Variants in USH2A observed in about 807,000 individuals in gnomAD.
USH2A encodes Usher syndrome 2A (autosomal recessive, mild).
In USH2A, 443 loss-of-function variants were observed where a neutral mutation model predicts 538.9. The observed-to-expected ratio is 0.82, with a 90% CI of 0.76 to 0.89. USH2A has a LOEUF of 0.89. Ranked by LOEUF, USH2A falls within the 40% of genes least tolerant of loss-of-function variation. The pLI is 0.00. For missense variants in USH2A, 6,633 were observed against 6,324.8 expected (o/e 1.05, Z -1.65); for synonymous variants, 2,413 against 2,273.5 (o/e 1.06, Z -1.75).
intron 11 of USH2A, among the ~76,000 whole-genome samples, chr1:216,284,288 G>A (rs1445719404): frequency 6.6e-6 from 1 of 152,118 alleles, no homozygotes; most frequent in Non-Finnish European, 1.5e-5. Context: ...GAACCAGGTG[G>A]AGATAATTGA....
intron 38 of USH2A, among the ~76,000 whole-genome samples, chr1:215,929,161 A>AT (rs904252644): frequency 1.3e-5 from 2 of 151,708 alleles, no homozygotes; most frequent in African/African-American, 4.8e-5. Context: ...ATGTAAAAAA[A>AT]AGCATTTGTG....
chr1:216,300,420 C>A (rs1390457145), intron 9 of USH2A, among the ~76,000 whole-genome samples: 2 of 152,142 alleles, frequency 1.3e-5, no homozygotes, highest in Admixed American at 6.5e-5. Flanking sequence ...GGTCAAGGAC[C>A]TTTACCACTG....
chr1:215,680,195 A>G lies in USH2A; in HGVS notation c.12248T>C (p.Leu4083Ser). Residue 4083 changes from leucine (L) to serine (S), a missense_variant, in exon 62 of 72, where the codon TTG becomes TCG. Physicochemically the swap from Leu to Ser is moderately radical, Grantham distance 145. Transcript: ENST00000307340. ...IVEQKENGRA[L>S]LLQWSEPMRT... ...CATAGGTTCTGACCACTGTAGTAGCAATGCCCGGCCATTCTCTTTCTGTTC... is the reference window on the plus strand; with the variant it reads ...CATAGGTTCTGACCACTGTAGTAGCGATGCCCGGCCATTCTCTTTCTGTTC... 1 of 1,614,172 alleles carries G rather than the reference A, an allele frequency of 6.2e-7. No individual in the cohort carries two copies.
chr1:215,685,345 G>T (rs1373172924), intron 61 of USH2A, among the ~76,000 whole-genome samples: 587 of 56,278 alleles, frequency 0.01, 7 homozygotes, highest in Admixed American at 0.062. Context: ...TTTTTTTTTT[G>T]TTGTTGTTGT....
chr1:215,672,806 T>C (rs892152067), intron 63 of USH2A, among the ~76,000 whole-genome samples: 1 of 152,210 alleles, frequency 6.6e-6, no homozygotes, highest in Non-Finnish European at 1.5e-5. Flanking sequence ...ACTTACAGAT[T>C]CAGTTAGAGT....
At chr1:215,977,869 T>C (rs1667659317) in intron 35 of USH2A, among the ~76,000 whole-genome samples, 2 of 152,206 alleles carry the variant, frequency 1.3e-5, no homozygotes, top group South Asian at 4.1e-4. Context: ...CTCATGCCTA[T>C]AATCCCAGCA....
At chr1:215,978,603 A>G (rs955384673) in intron 35 of USH2A, among the ~76,000 whole-genome samples, 1 of 152,216 alleles carries the variant, frequency 6.6e-6, no homozygotes, top group Non-Finnish European at 1.5e-5. Context: ...CATAGGTATA[A>G]TTAAATAACA....
chr1:216,401,847 A>T (rs989419467), intron 3 of USH2A, among the ~76,000 whole-genome samples: 1 of 152,088 alleles, frequency 6.6e-6, no homozygotes, highest in Non-Finnish European at 1.5e-5. Flanking sequence ...CCCACAATTA[A>T]ATCAGGGACG....
Position 215,745,462 on chromosome 1 carries a change from G to A in USH2A, c.11390-2127C>T, listed in dbSNP as rs540080535. On this transcript the variant is annotated intron_variant, in intron 58 of 71. Transcript: ENST00000307340. The stretch of plus-strand genomic sequence containing the variant: ...ATCCCTGTGTTATGCCAGGCAACAC[G>A]CATTATCCCATTTAATACTACTAGA... Among the ~76,000 whole-genome samples the A allele has an allele frequency of 3.3e-5, 5 of 152,184 alleles. No homozygotes were observed. The South Asian group carries it at 6.2e-4, about 19-fold the overall frequency.
chr1:216,388,859 G>A (rs1034251308), intron 3 of USH2A, among the ~76,000 whole-genome samples: 3 of 152,118 alleles, frequency 2.0e-5, no homozygotes, highest in South Asian at 4.1e-4. Context: ...AACTTATCCC[G>A]CAGGTCTTTC....
intron 71 of USH2A, 60 bp from the exon 72 acceptor site, chr1:215,625,930 A>G (rs1656006987): frequency 6.8e-7 from 1 of 1,478,182 alleles, no homozygotes; most frequent in Non-Finnish European, 9.5e-7. Flanking sequence ...TTTGCTATCA[A>G]TTTATAGTTA....
intron 47 of USH2A, among the ~76,000 whole-genome samples, chr1:215,825,404 G>A (rs575660367): frequency 6.6e-6 from 1 of 152,144 alleles, no homozygotes; most frequent in Non-Finnish European, 1.5e-5. Context: ...ATACAAAGGA[G>A]TGTAGGGAAA....
chr1:215,885,439 T>C (rs1350123655), intron 41 of USH2A, among the ~76,000 whole-genome samples: 1 of 152,198 alleles, frequency 6.6e-6, no homozygotes, highest in Non-Finnish European at 1.5e-5. Flanking sequence ...TATAGTTTCA[T>C]TGAACTGTTT....
chr1:216,373,828 C>A (rs996059898), intron 3 of USH2A, among the ~76,000 whole-genome samples: 17 of 151,934 alleles, frequency 1.1e-4, no homozygotes, highest in Admixed American at 7.9e-4. Context: ...GCCCTATTCA[C>A]AATAGCAAAG....
intron 71 of USH2A, among the ~76,000 whole-genome samples, chr1:215,626,299 CTATATA>C (rs539897950): frequency 6.8e-6 from 1 of 148,042 alleles, no homozygotes; most frequent in Admixed American, 6.8e-5. Context: ...TATATATACA[CTATATA>C]TATATATGTA....
rs980941676 is a variant in USH2A at position 215,624,460 on chromosome 1, T to C, written c.*1321A>G. The C allele has an allele frequency of 2.6e-5, 4 of 152,182 alleles. No homozygotes were observed. Among genetic ancestry groups the C allele is most frequent in the Admixed American group, 1.3e-4 (2 of 15,260 alleles). 9.4% of individuals were successfully genotyped at this position (152,182 alleles called of 1,614,324 possible). ...AGATTCACAAAAAGTATTGTGACTA[T>C]TGTGTGTTAGACAGAGTCAATATTT... On this transcript the variant is annotated 3_prime_UTR_variant, in exon 72 of 72. Coordinates refer to ENST00000307340, the MANE Select transcript of USH2A (RefSeq NM_206933.4).
rs1662974160 is a variant in USH2A at position 215,820,239 on chromosome 1, A to G, written c.9372-3044T>C. Among the ~76,000 whole-genome samples, 3 of 151,576 alleles carry G rather than the reference A, an allele frequency of 2.0e-5. No individual in the cohort carries two copies. In the South Asian group the frequency reaches 6.2e-4, roughly 32 times the overall value. On this transcript the variant is annotated intron_variant, in intron 47 of 71. Transcript: ENST00000307340. ...ACTTCTGATAAAAGTCACCATGTCT[A>G]CACACATTTTTTTCTCTCTCAAATG... is the stretch of plus-strand genomic sequence containing the variant.
intron 55 of USH2A, among the ~76,000 whole-genome samples, chr1:215,774,913 T>G (rs1209587088): frequency 6.6e-6 from 1 of 151,984 alleles, no homozygotes; most frequent in Non-Finnish European, 1.5e-5. Context: ...TTTTCTTTTT[T>G]TTTTTTACTT....
chr1:216,200,826 A>G (rs1270885656), intron 16 of USH2A, among the ~76,000 whole-genome samples: 1 of 152,144 alleles, frequency 6.6e-6, no homozygotes, highest in Non-Finnish European at 1.5e-5. Flanking sequence ...TGCGAAACAC[A>G]CAAATACCAG....
Sources: allele counts gnomAD v4.1 joint callset (sites outside exome capture counted in the v4.1 genomes callset), GRCh38; gene constraint gnomAD v4.1.1; transcripts MANE v1.5; gene names NCBI Gene and HGNC (gene_info 2026-07-23, HGNC 2026-07-21).